KIF1B: variants seen among roughly 807,000 people sequenced by gnomAD.
KIF1B encodes the protein kinesin-like protein KIF1B.
In KIF1B, 76 loss-of-function variants were observed where a neutral mutation model predicts 241.9. The ratio of observed to expected loss-of-function variants is 0.31; its 90% CI spans 0.26 to 0.38. The LOEUF (loss-of-function observed/expected upper bound fraction) is 0.38, where lower values mean the gene tolerates loss of function less well. Among genes scored for constraint, KIF1B ranks in the 10% least tolerant of loss-of-function variants. The probability of loss-of-function intolerance (pLI) is 1.00; values close to 1 mark genes in which losing one functional copy is unlikely to be tolerated. For synonymous variants in KIF1B, 750 were observed against 796.7 expected (o/e 0.94, Z 0.99); for missense variants, 1,622 against 2,271.4 (o/e 0.71, Z 5.81).
rs757699488 is a variant in KIF1B at position 10,282,464 on chromosome 1, G to GACA, written c.1365_1366insACA (p.Thr455dup). ...CACTCAGTAGTCAGGTGGGCTTGACGTCTGTGACCAGTATTCAAGAGAGGA... is the reference window on the plus strand; with the variant it reads ...CACTCAGTAGTCAGGTGGGCTTGACGACATCTGTGACCAGTATTCAAGAGAGGA... On this transcript the variant is annotated inframe_insertion, in exon 15 of 49. Transcript: ENST00000676179. 1 of 1,614,090 alleles carries GACA rather than the reference G, an allele frequency of 6.2e-7. No homozygotes were observed. Among genetic ancestry groups the GACA allele is most frequent in the East Asian group, 2.2e-5 (1 of 44,872 alleles).
rs1060501912 is a variant in KIF1B, at chr1:10,376,558, C to T, written c.5422C>T (p.Arg1808Cys). Residue 1808 changes from arginine to cysteine, a missense_variant, in exon 49 of 49, where the codon CGC (arginine) becomes TGC (cysteine). Arg to Cys is a radical substitution (Grantham distance 180). This residue lies in a region of KIF1B where 357 missense variants were observed against 409.0 expected (regional missense o/e 0.87). Transcript: ENST00000676179. Reference protein sequence around the residue: ...LAGTIRSKLSRRCPSQSKY With the variant: ...LAGTIRSKLSCRCPSQSKY ...TGTCCCCCATAGGTCAAAGCTTTCC[C>T]GCAGATGCCCGAGCCAGTCGAAATA... The T allele has an allele frequency of 3.1e-6, 5 of 1,613,872 alleles. No homozygotes were observed. Among genetic ancestry groups the T allele is most frequent in the African/African-American group, 1.3e-5 (1 of 74,888 alleles).
intron 2 of KIF1B, among the ~76,000 whole-genome samples, chr1:10,254,957 T>C (rs1401997456): frequency 6.6e-6 from 1 of 151,936 alleles, no homozygotes; most frequent in African/African-American, 2.4e-5. Flanking sequence ...TCATTTCTCT[T>C]TTTTTTCTTG....
At chr1:10,302,837 G>A (rs1169436143) in intron 22 of KIF1B, among the ~76,000 whole-genome samples, 5 of 152,148 alleles carry the variant, frequency 3.3e-5, no homozygotes, top group Non-Finnish European at 7.3e-5. Context: ...TATGACCATA[G>A]GGTGACATAC....
rs745612252 is a variant in KIF1B at position 10,282,337 on chromosome 1, A to G, written c.1238A>G (p.Gln413Arg). The G allele has an allele frequency of 6.2e-7, 1 of 1,613,842 alleles. No individual in the cohort carries two copies. Among genetic ancestry groups the G allele is most frequent in the South Asian group, 1.1e-5 (1 of 91,064 alleles). The change falls in exon 15 of 49, where the codon CAG becomes CGG. Residue 413 changes from glutamine to arginine, a missense_variant. Physicochemically the swap from Gln to Arg is conservative, Grantham distance 43. Transcript: ENST00000676179. ...GSGSKYLKDF[Q>R]NNKHRYLLAS... The stretch of plus-strand genomic sequence containing the variant: ...TATCTCCCAGATCTGAAAGATTTTC[A>G]GAACAATAAGCATAGATACTTGCTA...
chr1:10,263,378 T>C (rs1465362778), intron 5 of KIF1B, among the ~76,000 whole-genome samples: 1 of 152,026 alleles, frequency 6.6e-6, no homozygotes, highest in African/African-American at 2.4e-5. Flanking sequence ...TTTTTTGGTA[T>C]TCACTTTCAT....
intron 2 of KIF1B, 146 bp downstream of exon 2, chr1:10,232,580 C>G: frequency 2.9e-6 from 2 of 682,080 alleles, no homozygotes; most frequent in East Asian, 5.5e-5. Context: ...ATGTATTCCC[C>G]TCTGTGGTAT....
At chr1:10,262,484 T>A (rs1648207318) in intron 5 of KIF1B, among the ~76,000 whole-genome samples, 2 of 152,222 alleles carry the variant, frequency 1.3e-5, no homozygotes, top group South Asian at 4.1e-4. Flanking sequence ...TGTGCATTTA[T>A]TTGCAGTTAT....
intron 22 of KIF1B, chr1:10,308,044 G>T: frequency 1.9e-6 from 2 of 1,058,138 alleles, no homozygotes; most frequent in Middle Eastern, 8.5e-4. Flanking sequence ...ACAAAACACT[G>T]AATTTTTCAC....
intron 39 of KIF1B, 131 bp from the exon 40 acceptor site, chr1:10,361,561 T>G: frequency 6.7e-6 from 7 of 1,050,020 alleles, no homozygotes; most frequent in African/African-American, 1.6e-5. Flanking sequence ...GGGTGGCTGT[T>G]GAAATAATTG....
chr1:10,291,983 C>A, intron 16 of KIF1B, 64 bp from the exon 17 acceptor site: 1 of 1,377,804 alleles, frequency 7.3e-7, no homozygotes, highest in Non-Finnish European at 1.0e-6. Flanking sequence ...TTTTCCAATT[C>A]ATATTAGACT....
chr1:10,214,831 T>G (rs1571077338), intron 1 of KIF1B, among the ~76,000 whole-genome samples: 1 of 151,980 alleles, frequency 6.6e-6, no homozygotes, highest in Non-Finnish European at 1.5e-5. Context: ...TCCACCCACC[T>G]CAGCCTCCCA....
intron 22 of KIF1B, among the ~76,000 whole-genome samples, chr1:10,319,235 G>A (rs1373433989): frequency 6.6e-6 from 1 of 151,628 alleles, no homozygotes; most frequent in South Asian, 2.1e-4. Context: ...CCAAGTAGCT[G>A]GGATTATAGG....
chr1:10,233,933 C>T (rs1233787684), intron 2 of KIF1B, among the ~76,000 whole-genome samples: 17 of 151,960 alleles, frequency 1.1e-4, no homozygotes, highest in African/African-American at 4.1e-4. Flanking sequence ...TGAACCACCG[C>T]GCCTGGCCAA....
Position 10,276,385 on chromosome 1 carries a change from T to C in KIF1B, c.1023T>C (p.Thr341=), listed in dbSNP as rs1649109429. The part of the protein sequence containing the change: ...LSPADINYDE[T]LSTLRYADRA... ...CCGCGGATATCAACTACGATGAGACTTTGAGCACTCTGAGGTACTTTCTTT... is the reference window on the plus strand; with the variant it reads ...CCGCGGATATCAACTACGATGAGACCTTGAGCACTCTGAGGTACTTTCTTT... The change falls in exon 12 of 49, where the codon ACT becomes ACC. Residue 341 remains threonine, a synonymous_variant. Transcript: ENST00000676179. 1 of 1,613,428 alleles carries C rather than the reference T, an allele frequency of 6.2e-7. No individual in the cohort carries two copies. Among genetic ancestry groups the C allele is most frequent in the Non-Finnish European group, 8.5e-7 (1 of 1,179,582 alleles).
At chr1:10,300,317 T>A (rs1275418716) in intron 22 of KIF1B, among the ~76,000 whole-genome samples, 1 of 151,016 alleles carries the variant, frequency 6.6e-6, no homozygotes, top group Non-Finnish European at 1.5e-5. Flanking sequence ...AGGATTTATA[T>A]CACATAAACT....
intron 1 of KIF1B, among the ~76,000 whole-genome samples, chr1:10,228,334 T>C (rs972587530): frequency 2.0e-5 from 3 of 151,464 alleles, no homozygotes; most frequent in African/African-American, 7.3e-5. Context: ...TTCTTCCCTC[T>C]GTAACCATTG....
chr1:10,279,633 C>T (rs1026476761), intron 14 of KIF1B, among the ~76,000 whole-genome samples: 1 of 149,572 alleles, frequency 6.7e-6, no homozygotes, highest in Admixed American at 6.7e-5. Context: ...AGTGCTTGTG[C>T]TAAGTTGCTT....
At position 10,374,757 on chromosome 1, in the gene KIF1B, C is replaced by T. The variant is rs140922943; in HGVS notation, c.5097-97C>T. ...AGGTCATTTGCCTGTTTCATCGAATCTAAGGACTTGGCCTAAGTGTGGCGT... is the reference window on the plus strand; with the variant it reads ...AGGTCATTTGCCTGTTTCATCGAATTTAAGGACTTGGCCTAAGTGTGGCGT... On this transcript the variant is annotated intron_variant, in intron 46 of 48. Coordinates refer to ENST00000676179, the MANE Select transcript of KIF1B (RefSeq NM_001365951.3). This position sits in a 1 kb window ranked among gnomAD's most constrained non-coding sequence, Gnocchi z 4.3. The T allele has an allele frequency of 7.9e-5, 95 of 1,197,194 alleles. No homozygotes were observed. In the East Asian group the frequency reaches 2.2e-3, roughly 27 times the overall value. 74.2% of individuals were successfully genotyped at this position (1,197,194 alleles called of 1,614,324 possible). A position where few individuals can be genotyped will look rare whatever the true frequency, so the allele number is the denominator to read the frequency against.
At chr1:10,281,941 A>C (rs1649424163) in intron 14 of KIF1B, among the ~76,000 whole-genome samples, 1 of 152,250 alleles carries the variant, frequency 6.6e-6, no homozygotes, top group South Asian at 2.1e-4. Flanking sequence ...AAAAGTGTAA[A>C]TCTGAAGACA....
Sources: gnomAD v4.1 joint callset for allele counts (sites outside exome capture counted in the v4.1 genomes callset) on GRCh38, gnomAD v4.1.1 for gene constraint, gnomAD v4.1.1 regional missense constraint, Gnocchi (gnomAD v3.1) non-coding constraint, MANE v1.5 for transcripts, NCBI Gene and HGNC (gene_info 2026-07-23, HGNC 2026-07-21) for gene names.